The following RBM47 variants were observed in gnomAD, a reference collection of about 807,000 sequenced individuals.
RBM47 encodes RNA binding motif protein 47.
RBM47 carries 21 observed loss-of-function variants against 47.1 expected under a neutral mutation model. The observed-to-expected ratio is 0.45, with a 90% CI of 0.32 to 0.64. The LOEUF is 0.64. Among genes scored for constraint, RBM47 ranks in the 30% least tolerant of loss-of-function variants. The pLI is 0.05. For synonymous variants in RBM47, 375 were observed against 361.7 expected (o/e 1.04, Z -0.42); for missense variants, 708 against 870.9 (o/e 0.81, Z 2.35).
At chr4:40,462,116 C>T (rs905053194) in intron 3 of RBM47, among the ~76,000 whole-genome samples, 1 of 152,100 alleles carries the variant, frequency 6.6e-6, no homozygotes, top group African/African-American at 2.4e-5. Flanking sequence ...CAGAGAACAG[C>T]GCCCGTCCAG....
At chr4:40,435,464 G>A (rs1173883684) in intron 5 of RBM47, among the ~76,000 whole-genome samples, 1 of 152,102 alleles carries the variant, frequency 6.6e-6, no homozygotes. Flanking sequence ...CAGGAGAATC[G>A]CTTAACCCGG....
intron 1 of RBM47, among the ~76,000 whole-genome samples, chr4:40,607,868 G>A (rs1487039198): frequency 2.0e-5 from 3 of 152,192 alleles, no homozygotes; most frequent in Non-Finnish European, 4.4e-5. Flanking sequence ...ACTTTGGGAG[G>A]TTGAGGCGGA....
chr4:40,577,454 T>C (rs1732448943), intron 1 of RBM47, among the ~76,000 whole-genome samples: 1 of 151,966 alleles, frequency 6.6e-6, no homozygotes, highest in African/African-American at 2.4e-5. Context: ...GAGTTAATAG[T>C]TACATGAAGA....
intron 1 of RBM47, among the ~76,000 whole-genome samples, chr4:40,616,189 T>C (rs1221827011): frequency 2.0e-5 from 3 of 151,944 alleles, no homozygotes; most frequent in Non-Finnish European, 4.4e-5. Context: ...CCGTCTCTAC[T>C]AAAAACACAA....
At chr4:40,519,826 T>C (rs983163755) in intron 2 of RBM47, among the ~76,000 whole-genome samples, 1 of 151,944 alleles carries the variant, frequency 6.6e-6, no homozygotes, top group African/African-American at 2.4e-5. Flanking sequence ...CCCGCCACCA[T>C]GCCCAGCTAA....
intron 3 of RBM47, among the ~76,000 whole-genome samples, chr4:40,454,121 T>C (rs923838612): frequency 1.3e-5 from 2 of 152,182 alleles, no homozygotes; most frequent in Non-Finnish European, 2.9e-5. Flanking sequence ...TGGCTGCATT[T>C]ATGGGGACGG....
chr4:40,569,792 C>G (rs947044337), intron 1 of RBM47, among the ~76,000 whole-genome samples: 1 of 150,018 alleles, frequency 6.7e-6, no homozygotes, highest in Non-Finnish European at 1.5e-5. Context: ...CTCACTGCAA[C>G]CTCTGCCTCC....
At chr4:40,541,068 C>T (rs1392965989) in intron 2 of RBM47, among the ~76,000 whole-genome samples, 3 of 151,736 alleles carry the variant, frequency 2.0e-5, no homozygotes, top group African/African-American at 4.8e-5. Context: ...ACAAGCGGAT[C>T]GCTTGAGCCC....
At chr4:40,609,384 C>G (rs550849062) in intron 1 of RBM47, among the ~76,000 whole-genome samples, 4 of 151,280 alleles carry the variant, frequency 2.6e-5, no homozygotes, top group East Asian at 2.0e-4. Context: ...ACAATCTTGG[C>G]TCACGGTAAC....
intron 1 of RBM47, among the ~76,000 whole-genome samples, chr4:40,556,605 GAGGGCC>G (rs1730115918): frequency 6.6e-6 from 1 of 152,096 alleles, no homozygotes; most frequent in African/African-American, 2.4e-5. Context: ...ATTATACTAT[GAGGGCC>G]AGACACAGTG....
At chr4:40,540,120 A>T (rs185330220) in intron 2 of RBM47, among the ~76,000 whole-genome samples, 45 of 152,266 alleles carry the variant, frequency 3.0e-4, no homozygotes, top group African/African-American at 7.5e-4. Context: ...TCTTTCCTAC[A>T]GATCGCCACC....
At chr4:40,551,324 T>G (rs1349048205) in intron 1 of RBM47, among the ~76,000 whole-genome samples, 1 of 152,202 alleles carries the variant, frequency 6.6e-6, no homozygotes, top group Admixed American at 6.6e-5. Flanking sequence ...GTACATACTT[T>G]CACTTTTGCA....
chr4:40,526,437 A>AT (rs1421133679), intron 2 of RBM47, among the ~76,000 whole-genome samples: 4 of 147,758 alleles, frequency 2.7e-5, no homozygotes, highest in African/African-American at 1.1e-4. Flanking sequence ...TTGGGTCTGT[A>AT]CAAGAAAGTC....
At chr4:40,450,097 CG>C (rs1358148639) in intron 3 of RBM47, among the ~76,000 whole-genome samples, 2 of 152,088 alleles carry the variant, frequency 1.3e-5, no homozygotes, top group Non-Finnish European at 2.9e-5. Context: ...CCCGGGCCAA[CG>C]TTTTTCCAAT....
intron 1 of RBM47, among the ~76,000 whole-genome samples, chr4:40,590,125 T>C (rs1733989840): frequency 6.6e-6 from 1 of 152,134 alleles, no homozygotes; most frequent in Admixed American, 6.5e-5. Context: ...GATCGGGGAA[T>C]AGGCCAGGTA....
chr4:40,619,675 C>A (rs1737074496), intron 1 of RBM47, among the ~76,000 whole-genome samples: 1 of 152,174 alleles, frequency 6.6e-6, no homozygotes, highest in Non-Finnish European at 1.5e-5. Flanking sequence ...CATCTCCCTG[C>A]CCATCAAACA....
At chr4:40,601,699 T>C (rs1016309360) in intron 1 of RBM47, among the ~76,000 whole-genome samples, 2 of 152,224 alleles carry the variant, frequency 1.3e-5, no homozygotes, top group African/African-American at 2.4e-5. Flanking sequence ...GGATTTATCA[T>C]GTATACTGTT....
chr4:40,603,150 G>A (rs940359547), intron 1 of RBM47, among the ~76,000 whole-genome samples: 3 of 152,164 alleles, frequency 2.0e-5, no homozygotes, highest in Non-Finnish European at 4.4e-5. Context: ...CTGCTCTCCT[G>A]ATTTCTAACA....
chr4:40,496,215 T>C (rs915536561), intron 2 of RBM47, among the ~76,000 whole-genome samples: 1 of 152,174 alleles, frequency 6.6e-6, no homozygotes, highest in African/African-American at 2.4e-5. Flanking sequence ...GCACCTGTGT[T>C]GTGTGGGTTA....
Sources: allele counts gnomAD v4.1 joint callset (sites outside exome capture counted in the v4.1 genomes callset), GRCh38; gene constraint gnomAD v4.1.1; transcripts MANE v1.5; gene names NCBI Gene and HGNC (gene_info 2026-07-23, HGNC 2026-07-21).